The following KDM4B variants were observed in gnomAD, a reference collection of about 807,000 sequenced individuals.
KDM4B encodes lysine-specific demethylase 4B.
In KDM4B, 32 loss-of-function variants were observed where a neutral mutation model predicts 125.2. That is an observed-to-expected ratio of 0.26 (90% CI 0.19 to 0.34). The LOEUF is 0.34. KDM4B is among the 10% of genes least tolerant of loss of function. The pLI, the probability that KDM4B is intolerant of heterozygous loss-of-function variation, is 1.00. For missense variants in KDM4B, 1,190 were observed against 1,577.7 expected (o/e 0.75, Z 4.16); for synonymous variants, 721 against 677.9 (o/e 1.06, Z -0.99).
intron 13 of KDM4B, among the ~76,000 whole-genome samples, chr19:5,132,608 G>T (rs940538882): frequency 4.6e-5 from 7 of 152,104 alleles, no homozygotes; most frequent in Non-Finnish European, 1.5e-5. Context: ...TGGAGGAATC[G>T]GCACGGGGAC....
At chr19:5,077,317 C>A (rs2038148241) in intron 7 of KDM4B, 50 bp from the exon 8 acceptor site, 4 of 1,532,590 alleles carry the variant, frequency 2.6e-6, no homozygotes, top group East Asian at 2.2e-5. Context: ...TCCTCGCTGA[C>A]CCCGGCCGGC....
chr19:5,116,465 A>G lies in KDM4B; in HGVS notation c.1116-3188A>G, dbSNP rs541963701. The stretch of plus-strand genomic sequence containing the variant: ...AGTCTCGTATTCCACCTCCTTTCTC[A>G]GGAAGCTGCTGCAGGATGTGCTCCA... On this transcript the variant is annotated intron_variant, in intron 10 of 22. Transcript: ENST00000159111. 8.5e-5 allele frequency among the ~76,000 whole-genome samples: 13 copies of G among 152,330 alleles called. No individual in the cohort carries two copies. The South Asian group carries it at 2.3e-3, about 27-fold the overall frequency.
Position 5,058,852 on chromosome 19 carries a change from C to T in KDM4B, c.626+11183C>T, listed in dbSNP as rs34699838. On this transcript the variant is annotated intron_variant, in intron 6 of 22. Transcript: ENST00000159111. Reference sequence around the variant, plus strand: ...GTAGGAGCCAAACAAACCTGGCGCCCGCTTCCAGGCTGTGGCATGCCAGGC... The same window carrying T: ...GTAGGAGCCAAACAAACCTGGCGCCTGCTTCCAGGCTGTGGCATGCCAGGC... Among the ~76,000 whole-genome samples, 610 of 152,338 alleles carry T rather than the reference C, an allele frequency of 4.0e-3. 1 individual carries two copies. Among genetic ancestry groups the T allele is most frequent in the Non-Finnish European group, 7.0e-3 (477 of 68,030 alleles).
chr19:5,125,074 A>AT (rs1270942258), intron 11 of KDM4B, among the ~76,000 whole-genome samples: 1 of 151,014 alleles, frequency 6.6e-6, no homozygotes, highest in Non-Finnish European at 1.5e-5. Context: ...ATTTTTCAAA[A>AT]TTTTTAGTAG....
chr19:5,114,369 C>T lies in KDM4B; in HGVS notation c.1115+3551C>T. The T allele has an allele frequency of 1.6e-6, 1 of 607,102 alleles. No homozygotes were observed. Among genetic ancestry groups the T allele is most frequent in the Admixed American group, 2.3e-5 (1 of 42,642 alleles). The allele number at this position is 607,102 out of a possible 1,614,324, so 37.6% of individuals were successfully genotyped here. On this transcript the variant is annotated intron_variant, in intron 10 of 22. Transcript: ENST00000159111. The surrounding 1 kb of genome is among the most constrained non-coding windows in gnomAD (Gnocchi z 5.8). ...CCTGTCCCCTCCTGCTCTGCCTTGGCCTGTCGCCCCTGCGCCAGTGCAGGA... is the reference window on the plus strand; with the variant it reads ...CCTGTCCCCTCCTGCTCTGCCTTGGTCTGTCGCCCCTGCGCCAGTGCAGGA...
At chr19:5,147,402 C>T (rs1480138015) in intron 21 of KDM4B, among the ~76,000 whole-genome samples, 3 of 152,088 alleles carry the variant, frequency 2.0e-5, no homozygotes, top group Admixed American at 6.5e-5. Flanking sequence ...GCAGGGCCAG[C>T]GTCAGGGGAG....
chr19:5,123,191 C>CG (rs1388255006), intron 11 of KDM4B, among the ~76,000 whole-genome samples: 1 of 152,240 alleles, frequency 6.6e-6, no homozygotes, highest in Non-Finnish European at 1.5e-5. Context: ...GACACGACCT[C>CG]GCGTGGCACG....
chr19:4,992,328 C>T (rs1396898842), intron 1 of KDM4B, among the ~76,000 whole-genome samples: 1 of 152,090 alleles, frequency 6.6e-6, no homozygotes, highest in African/African-American at 2.4e-5. Flanking sequence ...TTTCCGTGTG[C>T]TCTTCTTTTT....
At chr19:5,116,896 C>T (rs1736997724) in intron 10 of KDM4B, among the ~76,000 whole-genome samples, 1 of 152,322 alleles carries the variant, frequency 6.6e-6, no homozygotes, top group Admixed American at 6.5e-5. Flanking sequence ...ACACCCTCAA[C>T]ACCTGTGCCG....
intron 3 of KDM4B, among the ~76,000 whole-genome samples, chr19:5,037,752 C>A (rs1050107099): frequency 6.6e-6 from 1 of 152,224 alleles, no homozygotes; most frequent in Non-Finnish European, 1.5e-5. Context: ...CAGGAGCACC[C>A]TCAGTCGTGA....
chr19:5,003,654 C>G (rs1021380244), intron 1 of KDM4B, among the ~76,000 whole-genome samples: 1 of 151,302 alleles, frequency 6.6e-6, no homozygotes, highest in Admixed American at 6.6e-5. Context: ...ACTAAAAATA[C>G]AAAAATTAGC....
chr19:5,125,588 C>T (rs772153296), intron 11 of KDM4B, among the ~76,000 whole-genome samples: 8 of 152,194 alleles, frequency 5.3e-5, no homozygotes, highest in African/African-American at 7.2e-5. Context: ...GGGGTCCACA[C>T]GCCCGGTGCA....
intron 13 of KDM4B, among the ~76,000 whole-genome samples, chr19:5,133,212 G>A (rs1444094169): frequency 3.3e-5 from 5 of 152,322 alleles, no homozygotes; most frequent in Middle Eastern, 3.4e-3. Context: ...AGAGTTCAAT[G>A]GGAACAGGCA....
intron 6 of KDM4B, among the ~76,000 whole-genome samples, chr19:5,062,773 C>G (rs2037644389): frequency 1.8e-5 from 2 of 109,234 alleles, no homozygotes; most frequent in South Asian, 6.2e-4. Context: ...TATAATTAAA[C>G]TGTTTTTTTT....
At chr19:5,033,556 G>A (rs1386150990) in intron 3 of KDM4B, among the ~76,000 whole-genome samples, 1 of 151,686 alleles carries the variant, frequency 6.6e-6, no homozygotes, top group African/African-American at 2.4e-5. Flanking sequence ...CTCCTGCCCC[G>A]GCAGCAGAGC....
At chr19:5,022,770 C>G (rs1310318819) in intron 2 of KDM4B, among the ~76,000 whole-genome samples, 1 of 151,822 alleles carries the variant, frequency 6.6e-6, no homozygotes, top group Non-Finnish European at 1.5e-5. Flanking sequence ...TCTGAGTGAG[C>G]GCAGGCAGAG....
At chr19:5,051,969 T>C (rs2037240410) in intron 6 of KDM4B, among the ~76,000 whole-genome samples, 1 of 152,074 alleles carries the variant, frequency 6.6e-6, no homozygotes, top group Non-Finnish European at 1.5e-5. Context: ...GTCTCGGAGC[T>C]TGTGCTCCCG....
chr19:5,135,802 G>A (rs983261558), intron 15 of KDM4B, among the ~76,000 whole-genome samples: 4 of 152,216 alleles, frequency 2.6e-5, no homozygotes, highest in East Asian at 1.9e-4. Context: ...TGGAAGGGCT[G>A]GATGACCGCA....
chr19:5,110,958 C>T, intron 10 of KDM4B, 140 bp downstream of exon 10: 1 of 651,340 alleles, frequency 1.5e-6, no homozygotes, highest in East Asian at 2.8e-5. Flanking sequence ...ACCCCGCCTC[C>T]TCTTTCGTCC....
Sources: gnomAD v4.1 joint callset for allele counts (sites outside exome capture counted in the v4.1 genomes callset) on GRCh38, gnomAD v4.1.1 for gene constraint, Gnocchi (gnomAD v3.1) non-coding constraint, MANE v1.5 for transcripts, NCBI Gene and HGNC (gene_info 2026-07-23, HGNC 2026-07-21) for gene names.